Variants in LIPF observed in about 807,000 individuals in gnomAD.
The protein encoded by LIPF is lipase F, gastric type.
A neutral mutation model predicts 38.0 loss-of-function variants in LIPF; 25 were observed. The ratio of observed to expected loss-of-function variants is 0.66; its 90% CI spans 0.48 to 0.92. The LOEUF (loss-of-function observed/expected upper bound fraction) is 0.92, where lower values mean the gene tolerates loss of function less well. Ranked by LOEUF, LIPF falls within the 40% of genes least tolerant of loss-of-function variation. The pLI, the probability that LIPF is intolerant of heterozygous loss-of-function variation, is 0.00. For missense variants in LIPF, 410 were observed against 469.9 expected, an observed-to-expected ratio of 0.87 and a Z score of 1.18; for synonymous variants, 161 against 156.2, an observed-to-expected ratio of 1.03 and a Z score of -0.23.
At chr10:88,667,210 G>T in intron 1 of LIPF, 77 bp from the exon 2 acceptor site, 1 of 782,014 alleles carries the variant, frequency 1.3e-6, no homozygotes, top group South Asian at 1.7e-5. Flanking sequence ...TTAGCACAAA[G>T]GTAAAATTGG....
At chr10:88,678,332 C>T (rs909620278) in intron 9 of LIPF, 113 bp from the exon 10 acceptor site, 3 of 793,030 alleles carry the variant, frequency 3.8e-6, no homozygotes, top group Admixed American at 1.9e-5. Context: ...GCAATCATTG[C>T]TAGAATTCAC....
At position 88,667,689 on chromosome 10, in the gene LIPF, A is replaced by G. The variant is rs1458721003; in HGVS notation, c.223+3A>G. 3 of 1,163,890 alleles carry G rather than the reference A, an allele frequency of 2.6e-6. No individual in the cohort carries two copies. In the African/African-American group the frequency reaches 4.6e-5, roughly 18 times the overall value. 72.1% of individuals were successfully genotyped at this position (1,163,890 alleles called of 1,614,324 possible). ...GAAGAAAAATTCAGGGAATACAGGT[A>G]TATATAAGCTTCTTTTCTTCCTTCC... On this transcript the variant is annotated splice_donor_region_variant and intron_variant, in intron 3 of 9. Coordinates refer to ENST00000238983, the MANE Select transcript of LIPF (RefSeq NM_004190.4).
At chr10:88,675,753 C>A in intron 8 of LIPF, 96 bp downstream of exon 8, 2 of 768,280 alleles carry the variant, frequency 2.6e-6, no homozygotes, top group Non-Finnish European at 4.2e-6. Flanking sequence ...CTGAGTACAC[C>A]TGGAAGGTAA....
chr10:88,672,202 A>G (rs533237789), intron 6 of LIPF, among the ~76,000 whole-genome samples: 1 of 152,308 alleles, frequency 6.6e-6, no homozygotes, highest in Admixed American at 6.5e-5. Context: ...GCCTGGGAGT[A>G]GTTTTGCTTT....
chr10:88,671,183 T>C (rs983957287), intron 5 of LIPF, among the ~76,000 whole-genome samples: 2 of 151,872 alleles, frequency 1.3e-5, no homozygotes, highest in Non-Finnish European at 2.9e-5. Context: ...ATATTTGAAT[T>C]CTCTTGGGTC....
rs1278679253 is a variant in LIPF at position 88,668,718 on chromosome 10, G to A, written c.384G>A (p.Leu128=). 1 of 1,614,116 alleles carries A rather than the reference G, an allele frequency of 6.2e-7. No individual in the cohort carries two copies. Among genetic ancestry groups the A allele is most frequent in the Non-Finnish European group, 8.5e-7 (1 of 1,179,992 alleles). Residue 128 remains leucine, a synonymous_variant, in exon 4 of 10, where the codon TTG becomes TTA. Coordinates refer to ENST00000238983, the MANE Select transcript of LIPF (RefSeq NM_004190.4). ...GAAACACCTGGGCCAGAAGAAACTT[G>A]TACTATTCACCAGATTCAGTTGAAT... ...SRGNTWARRN[L]YYSPDSVEFW...
In LIPF at chr10:88,668,670, T is replaced by C; in HGVS notation, c.336T>C (p.Asp112=). ...TCATTCTGGCAGATGCTGGTTATGA[T>C]GTGTGGCTGGGCAACAGCAGAGGAA... ...LAFILADAGY[D]VWLGNSRGNT... Residue 112 remains aspartate, a synonymous_variant, in exon 4 of 10, where the codon GAT becomes GAC. Transcript: ENST00000238983. 2 of 1,614,206 alleles carry C rather than the reference T, an allele frequency of 1.2e-6. No homozygotes were observed. The highest frequency in any genetic ancestry group is 1.7e-6 in the Non-Finnish European group (2 of 1,180,004).
intron 6 of LIPF, among the ~76,000 whole-genome samples, chr10:88,672,653 C>T (rs1564959572): frequency 7.2e-6 from 1 of 137,946 alleles, no homozygotes; most frequent in Non-Finnish European, 1.5e-5. Flanking sequence ...CACACACACA[C>T]ACACACACAC....
intron 1 of LIPF, among the ~76,000 whole-genome samples, chr10:88,666,447 C>G (rs1055972334): frequency 1.3e-5 from 2 of 152,140 alleles, no homozygotes; most frequent in African/African-American, 4.8e-5. Context: ...TATTTGAGGA[C>G]AATATCACTT....
intron 8 of LIPF, among the ~76,000 whole-genome samples, chr10:88,675,978 C>T (rs565304436): frequency 9.9e-5 from 15 of 152,190 alleles, no homozygotes; most frequent in African/African-American, 2.4e-4. Context: ...TGCTATCCCT[C>T]CCCCCAGCAA....
At chr10:88,672,625 AACACACACACACACACACAC>A (rs71471111) in intron 6 of LIPF, among the ~76,000 whole-genome samples, 1 of 130,864 alleles carries the variant, frequency 7.6e-6, no homozygotes, top group Non-Finnish European at 1.6e-5. Context: ...CAGTAAAACC[AACACACACACACACACACAC>A]ACACACACAC....
At chr10:88,668,844 T>C in intron 4 of LIPF, 88 bp downstream of exon 4, 1 of 1,068,414 alleles carries the variant, frequency 9.4e-7, no homozygotes, top group Non-Finnish European at 1.4e-6. Flanking sequence ...TTTAACAAAT[T>C]ACACTCCAAG....
chr10:88,667,659 T>A lies in LIPF; in HGVS notation c.196T>A (p.Tyr66Asn), dbSNP rs757715281. ...GYILEVNRIP[Y>N]GKKNSGNTGQ... is the part of the protein sequence containing the mutation. ...TATTCTTGAAGTCAATAGAATTCCTTATGGGAAGAAAAATTCAGGGAATAC... is the reference window on the plus strand; with the variant it reads ...TATTCTTGAAGTCAATAGAATTCCTAATGGGAAGAAAAATTCAGGGAATAC... Residue 66 changes from tyrosine (Y) to asparagine (N), a missense_variant, in exon 3 of 10, where the codon TAT becomes AAT. Physicochemically the swap from Tyr to Asn is moderately radical, Grantham distance 143. Coordinates refer to ENST00000238983, the MANE Select transcript of LIPF (RefSeq NM_004190.4). 5 of 1,550,502 alleles carry A rather than the reference T, an allele frequency of 3.2e-6. No individual in the cohort carries two copies. The South Asian group carries it at 4.5e-5, about 14-fold the overall frequency.
chr10:88,668,413 A>T, intron 3 of LIPF, 145 bp from the exon 4 acceptor site: 1 of 724,338 alleles, frequency 1.4e-6, no homozygotes, highest in Non-Finnish European at 2.2e-6. Context: ...AATCATCACC[A>T]CAATTACGAT....
chr10:88,668,477 T>C (rs1841546910), intron 3 of LIPF, 81 bp from the exon 4 acceptor site: 3 of 1,204,178 alleles, frequency 2.5e-6, no homozygotes, highest in East Asian at 2.4e-5. Flanking sequence ...GTGCTAGTCA[T>C]ATGGAAGACT....
At chr10:88,671,775 A>G in intron 5 of LIPF, 54 bp from the exon 6 acceptor site, 1 of 1,558,710 alleles carries the variant, frequency 6.4e-7, no homozygotes, top group Non-Finnish European at 8.6e-7. Context: ...CAAACAAAAC[A>G]ACAACAACAA....
intron 4 of LIPF, 90 bp downstream of exon 4, chr10:88,668,846 C>T (rs1191726627): frequency 1.9e-6 from 2 of 1,035,224 alleles, no homozygotes; most frequent in African/African-American, 1.6e-5. Flanking sequence ...TAACAAATTA[C>T]ACTCCAAGTA....
intron 5 of LIPF, among the ~76,000 whole-genome samples, chr10:88,670,713 G>T (rs1841582986): frequency 6.6e-6 from 1 of 152,182 alleles, no homozygotes; most frequent in Admixed American, 6.6e-5. Flanking sequence ...TGTTGGGGAG[G>T]AAAGACTGTT....
At position 88,668,627 on chromosome 10, in the gene LIPF, C is replaced by T. The variant is rs775211042; in HGVS notation, c.293C>T (p.Pro98Leu). Reference protein sequence around the residue: ...ASATNWISNLPNNSLAFILAD... With the variant: ...ASATNWISNLLNNSLAFILAD... ...GCCACAAACTGGATTTCCAACCTGC[C>T]GAACAACAGCCTTGCCTTCATTCTG... Residue 98 changes from proline (P) to leucine (L), a missense_variant, in exon 4 of 10, where the codon CCG becomes CTG. Physicochemically the swap from Pro to Leu is moderately conservative, Grantham distance 98 (BLOSUM62 -3). Transcript: ENST00000238983. 38 of 1,614,050 alleles carry T rather than the reference C, an allele frequency of 2.4e-5. No individual in the cohort carries two copies. Among genetic ancestry groups the T allele is most frequent in the Middle Eastern group, 3.3e-4 (2 of 6,084 alleles).
Sources: gnomAD v4.1 joint callset for allele counts (sites outside exome capture counted in the v4.1 genomes callset) on GRCh38, gnomAD v4.1.1 for gene constraint, MANE v1.5 for transcripts, NCBI Gene and HGNC (gene_info 2026-07-23, HGNC 2026-07-21) for gene names.